Variants in EFCAB5 observed in about 807,000 individuals in gnomAD.
EFCAB5 encodes EF-hand calcium-binding domain-containing protein 5.
EFCAB5 carries 131 observed loss-of-function variants against 167.9 expected under a neutral mutation model. That is an observed-to-expected ratio of 0.78 (90% CI 0.68 to 0.90). The LOEUF (loss-of-function observed/expected upper bound fraction) is 0.90. Among genes scored for constraint, EFCAB5 ranks in the 40% least tolerant of loss-of-function variants. The pLI is 0.00. For missense variants in EFCAB5, 1,663 were observed against 1,745.2 expected (o/e 0.95, Z 0.84); for synonymous variants, 574 against 602.8 (o/e 0.95, Z 0.70).
At chr17:30,027,124 C>T (rs2069346947) in intron 7 of EFCAB5, among the ~76,000 whole-genome samples, 1 of 150,516 alleles carries the variant, frequency 6.6e-6, no homozygotes, top group Admixed American at 6.6e-5. Context: ...GTAGTTGGGA[C>T]TACAGGCGCT....
intron 22 of EFCAB5, among the ~76,000 whole-genome samples, chr17:30,104,798 C>T (rs1389386380): frequency 6.6e-6 from 1 of 152,080 alleles, no homozygotes; most frequent in Non-Finnish European, 1.5e-5. Context: ...GAAACAGGAA[C>T]CACCGTCCAG....
intron 7 of EFCAB5, among the ~76,000 whole-genome samples, chr17:30,030,179 C>A (rs577280127): frequency 6.6e-6 from 1 of 152,158 alleles, no homozygotes; most frequent in African/African-American, 2.4e-5. Context: ...TAGTTGATAT[C>A]GCCAACTGTT....
chr17:29,992,589 G>A (rs544933760), intron 4 of EFCAB5, among the ~76,000 whole-genome samples: 112 of 152,234 alleles, frequency 7.4e-4, no homozygotes, highest in Admixed American at 2.7e-3. Flanking sequence ...CTCGTGATCC[G>A]CCTGCCTTGG....
chr17:29,999,589 G>T (rs900962037), intron 6 of EFCAB5, among the ~76,000 whole-genome samples: 4 of 152,094 alleles, frequency 2.6e-5, no homozygotes, highest in Non-Finnish European at 5.9e-5. Flanking sequence ...TTAAGGACCT[G>T]CTAGCATAAA....
chr17:30,103,710 G>A (rs1221392392), intron 22 of EFCAB5, among the ~76,000 whole-genome samples: 1 of 152,118 alleles, frequency 6.6e-6, no homozygotes, highest in Admixed American at 6.6e-5. Flanking sequence ...CCTACAAAAA[G>A]ATTGATTGAA....
chr17:29,977,902 T>A (rs2151600105), intron 4 of EFCAB5, among the ~76,000 whole-genome samples: 1 of 152,298 alleles, frequency 6.6e-6, no homozygotes, highest in Admixed American at 6.5e-5. Flanking sequence ...GTGACAAAAA[T>A]CTATTGTGTG....
chr17:30,096,677 A>ATATATATATATT (rs1193558323), intron 22 of EFCAB5, among the ~76,000 whole-genome samples: 4 of 60,120 alleles, frequency 6.7e-5, no homozygotes, highest in African/African-American at 3.4e-4. Flanking sequence ...ATATATATAT[A>ATATATATATATT]TTTTTTTTTT....
At chr17:29,936,296 G>C (rs1171362098) in intron 1 of EFCAB5, among the ~76,000 whole-genome samples, 1 of 152,116 alleles carries the variant, frequency 6.6e-6, no homozygotes, top group Non-Finnish European at 1.5e-5. Context: ...TCACACACTG[G>C]GGCCTGTCGT....
intron 7 of EFCAB5, among the ~76,000 whole-genome samples, chr17:30,003,115 T>C (rs2068699564): frequency 6.8e-6 from 1 of 146,758 alleles, no homozygotes; most frequent in African/African-American, 2.5e-5. Flanking sequence ...GGGGGTCTGA[T>C]ATTTCCTCTG....
chr17:29,984,231 C>A (rs1451767050), intron 4 of EFCAB5, among the ~76,000 whole-genome samples: 1 of 151,194 alleles, frequency 6.6e-6, no homozygotes, highest in East Asian at 2.0e-4. Flanking sequence ...TGAGAAGAAT[C>A]CTAGCTAGAG....
intron 14 of EFCAB5, among the ~76,000 whole-genome samples, chr17:30,077,277 G>T (rs1169101080): frequency 6.6e-6 from 1 of 152,098 alleles, no homozygotes; most frequent in African/African-American, 2.4e-5. Flanking sequence ...ACTCCAGCTT[G>T]GGCTACAGAG....
intron 8 of EFCAB5, among the ~76,000 whole-genome samples, chr17:30,045,859 A>T (rs889680451): frequency 6.6e-6 from 1 of 151,622 alleles, no homozygotes; most frequent in East Asian, 1.9e-4. Context: ...ATAAATAAAT[A>T]AAATTAAAAA....
chr17:29,983,406 C>T (rs188790864), intron 4 of EFCAB5, among the ~76,000 whole-genome samples: 44 of 152,312 alleles, frequency 2.9e-4, no homozygotes, highest in African/African-American at 1.0e-3. Flanking sequence ...TCTAATGGCC[C>T]ATTGGCCAAA....
intron 22 of EFCAB5, among the ~76,000 whole-genome samples, chr17:30,096,677 A>ATATATATATATATATTT (rs1193558323): frequency 1.7e-5 from 1 of 60,122 alleles, no homozygotes; most frequent in African/African-American, 8.4e-5. Flanking sequence ...ATATATATAT[A>ATATATATATATATATTT]TTTTTTTTTT....
chr17:29,950,129 A>G (rs540753931), intron 3 of EFCAB5, among the ~76,000 whole-genome samples: 4 of 152,308 alleles, frequency 2.6e-5, no homozygotes, highest in East Asian at 1.9e-4. Flanking sequence ...GCCACTCCAA[A>G]ACAGCAAGAT....
At chr17:30,029,576 T>TA (rs1336117532) in intron 7 of EFCAB5, among the ~76,000 whole-genome samples, 1 of 151,592 alleles carries the variant, frequency 6.6e-6, no homozygotes, top group African/African-American at 2.4e-5. Context: ...TTTTTTTTTT[T>TA]AAAGTTTCCT....
At chr17:30,021,506 A>C (rs1318405374) in intron 7 of EFCAB5, among the ~76,000 whole-genome samples, 1 of 149,116 alleles carries the variant, frequency 6.7e-6, no homozygotes, top group Non-Finnish European at 1.5e-5. Context: ...AAATGGAGTG[A>C]TATACATTAT....
intron 18 of EFCAB5, among the ~76,000 whole-genome samples, chr17:30,083,607 A>C (rs2071032264): frequency 6.6e-6 from 1 of 152,208 alleles, no homozygotes; most frequent in African/African-American, 2.4e-5. Context: ...GGCATGCGCC[A>C]CCACGCCAAG....
At chr17:29,929,983 G>T in intron 1 of EFCAB5, 1 of 1,603,620 alleles carries the variant, frequency 6.2e-7, no homozygotes, top group Non-Finnish European at 8.5e-7. Flanking sequence ...GTGACCGCTG[G>T]ACCGTGACCA....
Sources: gnomAD v4.1 joint callset for allele counts (sites outside exome capture counted in the v4.1 genomes callset) on GRCh38, gnomAD v4.1.1 for gene constraint, MANE v1.5 for transcripts, NCBI Gene and HGNC (gene_info 2026-07-23, HGNC 2026-07-21) for gene names.